PATJ: variants seen among roughly 807,000 people sequenced by gnomAD.
The protein encoded by PATJ is inaD-like protein.
Under a neutral mutation model 224.9 loss-of-function variants are expected in PATJ, and 190 were observed. That is an observed-to-expected ratio of 0.84 (90% CI 0.75 to 0.95). The LOEUF is 0.95. Ranked by LOEUF, PATJ falls within the 40% of genes least tolerant of loss-of-function variation. PATJ has a pLI of 0.00. For synonymous variants in PATJ, 769 were observed against 820.3 expected (o/e 0.94, Z 1.07); for missense variants, 2,121 against 2,270.3 (o/e 0.93, Z 1.34).
intron 8 of PATJ, among the ~76,000 whole-genome samples, chr1:61,789,122 A>G (rs1460854329): frequency 6.6e-6 from 1 of 152,098 alleles, no homozygotes; most frequent in Non-Finnish European, 1.5e-5. Context: ...CAGCCTGGCC[A>G]AGATGGCAAA....
chr1:61,864,200 G>A, intron 19 of PATJ, 38 bp from the exon 20 acceptor site: 7 of 1,544,820 alleles, frequency 4.5e-6, no homozygotes, highest in Non-Finnish European at 6.1e-6. Flanking sequence ...CTTCAGGACA[G>A]GCGTAACTTC....
At chr1:61,882,710 C>T (rs1048045073) in intron 21 of PATJ, among the ~76,000 whole-genome samples, 13 of 152,072 alleles carry the variant, frequency 8.5e-5, no homozygotes, top group South Asian at 2.1e-4. Context: ...CTCAGCCTTC[C>T]GAGTAGTTGA....
At chr1:61,793,183 T>A (rs192870629) in intron 9 of PATJ, among the ~76,000 whole-genome samples, 152 of 152,246 alleles carry the variant, frequency 1.0e-3, no homozygotes, top group African/African-American at 3.4e-3. Context: ...AAGTGACTCT[T>A]GTGCCTCAGA....
intron 27 of PATJ, among the ~76,000 whole-genome samples, chr1:61,965,793 A>T (rs1173412002): frequency 6.6e-6 from 1 of 152,226 alleles, no homozygotes; most frequent in Non-Finnish European, 1.5e-5. Flanking sequence ...TGGCCACAGT[A>T]GGAGAGATTT....
At chr1:62,156,999 T>C (rs1558248228) in intron 43 of PATJ, among the ~76,000 whole-genome samples, 2 of 151,504 alleles carry the variant, frequency 1.3e-5, no homozygotes, top group Non-Finnish European at 2.9e-5. Flanking sequence ...GTGGGGGAAA[T>C]GTGTAACTCA....
At chr1:62,099,173 T>C (rs1388996251) in intron 33 of PATJ, among the ~76,000 whole-genome samples, 1 of 152,104 alleles carries the variant, frequency 6.6e-6, no homozygotes, top group Non-Finnish European at 1.5e-5. Context: ...GAAAGTCATC[T>C]ACTGTGTAGA....
At chr1:61,813,922 T>C (rs9645411) in intron 14 of PATJ, among the ~76,000 whole-genome samples, 56,655 of 151,940 alleles carry the variant, frequency 0.37, 12,191 homozygotes, top group Middle Eastern at 0.54. Context: ...TGCCAAGATA[T>C]AAGAAATGGC....
intron 21 of PATJ, among the ~76,000 whole-genome samples, chr1:61,879,831 C>T (rs1667840681): frequency 1.6e-5 from 2 of 123,970 alleles, no homozygotes; most frequent in South Asian, 5.5e-4. Context: ...ACTACTCCAT[C>T]TATTTTTTTT....
chr1:61,829,938 A>G (rs1659007266), intron 16 of PATJ, among the ~76,000 whole-genome samples: 1 of 152,226 alleles, frequency 6.6e-6, no homozygotes, highest in African/African-American at 2.4e-5. Context: ...TCCACACATC[A>G]GACTGAAATA....
Position 61,825,306 on chromosome 1 carries a change from G to A in PATJ, c.1819-2116G>A, listed in dbSNP as rs1429623053. 3.3e-5 allele frequency among the ~76,000 whole-genome samples: 5 copies of A among 152,196 alleles called. No individual in the cohort carries two copies. The South Asian group carries it at 1.0e-3, about 31-fold the overall frequency. On this transcript the variant is annotated intron_variant, in intron 15 of 43. Coordinates refer to ENST00000642238, the MANE Select transcript of PATJ (RefSeq NM_001350145.3). ...GCAATGTTCTGTACTCTGGAAGTGT[G>A]TATGTGTGTGTGCATTTTCCAGTCA...
At chr1:61,885,691 G>A (rs1571112132) in intron 22 of PATJ, among the ~76,000 whole-genome samples, 1 of 151,984 alleles carries the variant, frequency 6.6e-6, no homozygotes, top group African/African-American at 2.4e-5. Flanking sequence ...ATACCCAAAG[G>A]ACTATAAATC....
chr1:62,113,585 A>G (rs1007726986), intron 34 of PATJ, among the ~76,000 whole-genome samples: 1 of 152,194 alleles, frequency 6.6e-6, no homozygotes, highest in Admixed American at 6.5e-5. Context: ...GCAGTAAGCC[A>G]GCATTCATGC....
intron 1 of PATJ, among the ~76,000 whole-genome samples, chr1:61,752,950 A>G (rs1645415889): frequency 6.6e-6 from 1 of 152,180 alleles, no homozygotes; most frequent in Non-Finnish European, 1.5e-5. Flanking sequence ...CTGCATTTGT[A>G]TGGCAGCAGA....
chr1:61,795,531 C>T lies in PATJ; in HGVS notation c.1233C>T (p.His411=), dbSNP rs1427836069. Residue 411 remains histidine (H), a synonymous_variant, in exon 10 of 44, where the codon CAC becomes CAT. Transcript: ENST00000642238. ...IPGSAAYHNG[H]IQVNDKIVAV... The stretch of plus-strand genomic sequence containing the variant: ...GCAGTGCTGCGTACCACAATGGCCA[C>T]ATTCAAGTGAATGACAAAATAGTTG... 2.5e-6 allele frequency: 4 copies of T among 1,609,116 alleles called. No homozygotes were observed. In the East Asian group the frequency reaches 8.9e-5, roughly 36 times the overall value.
intron 27 of PATJ, among the ~76,000 whole-genome samples, chr1:61,987,182 T>G (rs1644809225): frequency 6.6e-6 from 1 of 152,082 alleles, no homozygotes. Context: ...AATTTATAAT[T>G]TTTTTGTTTT....
At chr1:61,792,625 G>C (rs761255721) in intron 9 of PATJ, among the ~76,000 whole-genome samples, 1 of 151,664 alleles carries the variant, frequency 6.6e-6, no homozygotes. Context: ...CCGCCTCCCA[G>C]GTTCAAGAGA....
At chr1:61,783,054 G>C (rs1349829004) in intron 7 of PATJ, among the ~76,000 whole-genome samples, 1 of 152,168 alleles carries the variant, frequency 6.6e-6, no homozygotes, top group Admixed American at 6.5e-5. Context: ...ACCAAGCAAG[G>C]GTTTGAGGGT....
At chr1:61,851,851 T>C (rs950162415) in intron 17 of PATJ, among the ~76,000 whole-genome samples, 1 of 151,854 alleles carries the variant, frequency 6.6e-6, no homozygotes, top group Non-Finnish European at 1.5e-5. Flanking sequence ...AGAACTGACA[T>C]GCCTTAGTGA....
chr1:61,863,758 T>C (rs1664989938), intron 19 of PATJ, among the ~76,000 whole-genome samples: 2 of 152,244 alleles, frequency 1.3e-5, no homozygotes, highest in Non-Finnish European at 2.9e-5. Flanking sequence ...ATACTCCCCA[T>C]ATCTTTAGTT....
Sources: allele counts gnomAD v4.1 joint callset (sites outside exome capture counted in the v4.1 genomes callset), GRCh38; gene constraint gnomAD v4.1.1; transcripts MANE v1.5; gene names NCBI Gene and HGNC (gene_info 2026-07-23, HGNC 2026-07-21).